SV2C: variants seen among roughly 807,000 people sequenced by gnomAD.
The protein encoded by SV2C is synaptic vesicle glycoprotein 2C.
Under a neutral mutation model 79.7 loss-of-function variants are expected in SV2C, and 49 were observed. The observed-to-expected ratio is 0.61, with a 90% CI of 0.49 to 0.78. SV2C has a LOEUF of 0.78. Ranked by LOEUF, SV2C falls within the 30% of genes least tolerant of loss-of-function variation. The probability of loss-of-function intolerance (pLI) is 0.00; values close to 1 mark genes in which losing one functional copy is unlikely to be tolerated. For missense variants in SV2C, 833 were observed against 912.9 expected, an observed-to-expected ratio of 0.91 and a Z score of 1.13; for synonymous variants, 334 against 333.2, an observed-to-expected ratio of 1.00 and a Z score of -0.03.
At chr5:75,914,814 T>G in the SV2C span, among the ~76,000 whole-genome samples, 1 of 152,218 alleles carries the variant, frequency 6.6e-6, no homozygotes, top group Non-Finnish European at 1.5e-5. Context: ...GATAATGCTA[T>G]CCCCATTTTT....
intron 4 of SV2C, among the ~76,000 whole-genome samples, chr5:76,262,583 C>T (rs1039458172): frequency 4.6e-5 from 7 of 152,168 alleles, no homozygotes; most frequent in Admixed American, 2.0e-4. Context: ...TATAAATTTC[C>T]CTCTAAACAC....
At chr5:76,271,569 A>G (rs966260392) in intron 4 of SV2C, among the ~76,000 whole-genome samples, 9 of 151,524 alleles carry the variant, frequency 5.9e-5, no homozygotes, top group Admixed American at 5.3e-4. Flanking sequence ...ATACTGTGCT[A>G]TAAAGCAAGC....
chr5:76,141,254 A>G (rs1336585285), intron 2 of SV2C, among the ~76,000 whole-genome samples: 1 of 152,236 alleles, frequency 6.6e-6, no homozygotes, highest in African/African-American at 2.4e-5. Context: ...AGAATTTGAT[A>G]GGAAAATATC....
chr5:76,179,219 G>C (rs2112296225), intron 2 of SV2C, among the ~76,000 whole-genome samples: 2 of 152,290 alleles, frequency 1.3e-5, no homozygotes, highest in South Asian at 4.1e-4. Flanking sequence ...AAGGCAAAAG[G>C]AGCATGTTGC....
At chr5:75,961,028 G>A in the SV2C span, among the ~76,000 whole-genome samples, 1 of 151,912 alleles carries the variant, frequency 6.6e-6, no homozygotes, top group African/African-American at 2.4e-5. Flanking sequence ...GCCAAAGCAA[G>A]AATCCAAATG....
At chr5:76,258,904 A>C (rs1746380089) in intron 4 of SV2C, among the ~76,000 whole-genome samples, 1 of 152,204 alleles carries the variant, frequency 6.6e-6, no homozygotes, top group African/African-American at 2.4e-5. Context: ...TTTAAATAAA[A>C]TATGGAGCCT....
chr5:76,258,002 G>C (rs1007864867), intron 4 of SV2C, among the ~76,000 whole-genome samples: 1 of 149,610 alleles, frequency 6.7e-6, no homozygotes, highest in African/African-American at 2.5e-5. Flanking sequence ...ATGTAGTATG[G>C]GGTGTGTGTG....
intron 6 of SV2C, among the ~76,000 whole-genome samples, chr5:76,286,170 A>G (rs189904003): frequency 6.6e-6 from 1 of 152,216 alleles, no homozygotes; most frequent in East Asian, 1.9e-4. Context: ...GATAACACCA[A>G]CCCAAGAGAT....
rs117596050 is a variant in SV2C, at chr5:76,222,340, C to T, written c.913+12453C>T. 2.0e-3 allele frequency among the ~76,000 whole-genome samples: 303 copies of T among 152,198 alleles called. 12 individuals are homozygous for T. The East Asian group carries it at 0.057, about 29-fold the overall frequency. On this transcript the variant is annotated intron_variant, in intron 4 of 12. Coordinates refer to ENST00000502798, the MANE Select transcript of SV2C (RefSeq NM_014979.4). ...CTATAACAGCATGTATGGACCTCAA[C>T]AGCATTTTGCAGAGTGAAAAGGCCA...
At chr5:75,944,018 C>T in the SV2C span, among the ~76,000 whole-genome samples, 2 of 152,114 alleles carry the variant, frequency 1.3e-5, no homozygotes, top group Admixed American at 1.3e-4. Flanking sequence ...ACAAAGATAA[C>T]TAATTCTATT....
chr5:75,880,483 C>G, the SV2C span, among the ~76,000 whole-genome samples: 7 of 152,182 alleles, frequency 4.6e-5, no homozygotes, highest in African/African-American at 1.4e-4. Flanking sequence ...AACCATCACT[C>G]TTAAGTTTAA....
chr5:76,165,337 T>C (rs1425840996), intron 2 of SV2C, among the ~76,000 whole-genome samples: 1 of 152,234 alleles, frequency 6.6e-6, no homozygotes, highest in Non-Finnish European at 1.5e-5. Context: ...TCACCATTTT[T>C]TTTTACATCC....
At chr5:76,036,544 C>A in the SV2C span, among the ~76,000 whole-genome samples, 1 of 152,098 alleles carries the variant, frequency 6.6e-6, no homozygotes, top group African/African-American at 2.4e-5. Flanking sequence ...GTTGAAAATT[C>A]TTTTCTTTAA....
At chr5:76,020,029 C>G in the SV2C span, among the ~76,000 whole-genome samples, 1 of 152,254 alleles carries the variant, frequency 6.6e-6, no homozygotes, top group South Asian at 2.1e-4. Context: ...CGATCAGGAG[C>G]CTACTGAGGC....
chr5:76,324,534 A>T (rs1178884658), intron 12 of SV2C, among the ~76,000 whole-genome samples: 2 of 151,996 alleles, frequency 1.3e-5, no homozygotes, highest in Non-Finnish European at 2.9e-5. Flanking sequence ...ATAGAGGAGG[A>T]TTAAAGTTTG....
At chr5:75,872,155 A>G in the SV2C span, among the ~76,000 whole-genome samples, 86 of 149,962 alleles carry the variant, frequency 5.7e-4, no homozygotes, top group African/African-American at 1.9e-3. Context: ...AATATCATCA[A>G]TGATGGGACA....
the SV2C span, among the ~76,000 whole-genome samples, chr5:75,874,206 A>G: frequency 1.8e-4 from 28 of 152,324 alleles, no homozygotes; most frequent in African/African-American, 6.7e-4. Context: ...CTAATTCACT[A>G]TGATCAAGTA....
the SV2C span, among the ~76,000 whole-genome samples, chr5:75,851,996 A>C: frequency 6.6e-6 from 1 of 152,142 alleles, no homozygotes; most frequent in African/African-American, 2.4e-5. Flanking sequence ...CAGGAGGAGG[A>C]GAAAGTGTCA....
the SV2C span, among the ~76,000 whole-genome samples, chr5:75,932,035 T>C: frequency 9.9e-5 from 15 of 152,156 alleles, no homozygotes; most frequent in African/African-American, 3.6e-4. Context: ...TTCATTCCCA[T>C]CATTTGAAGG....
Sources: gnomAD v4.1 joint callset for allele counts (sites outside exome capture counted in the v4.1 genomes callset) on GRCh38, gnomAD v4.1.1 for gene constraint, MANE v1.5 for transcripts, NCBI Gene and HGNC (gene_info 2026-07-23, HGNC 2026-07-21) for gene names.